KCNH1: variants seen among roughly 807,000 people sequenced by gnomAD.
The protein encoded by KCNH1 is potassium voltage-gated channel subfamily H member 1.
Under a neutral mutation model 69.2 loss-of-function variants are expected in KCNH1, and 27 were observed. The ratio of observed to expected loss-of-function variants is 0.39; its 90% CI spans 0.29 to 0.54. The LOEUF (loss-of-function observed/expected upper bound fraction) is 0.54, where lower values mean the gene tolerates loss of function less well. KCNH1 is among the 20% of genes least tolerant of loss of function. KCNH1 has a pLI of 0.68. For synonymous variants in KCNH1, 456 were observed against 487.7 expected (o/e 0.93, Z 0.86); for missense variants, 798 against 1,261.6 (o/e 0.63, Z 5.57).
chr1:210,990,220 C>G (rs975236659), intron 6 of KCNH1, among the ~76,000 whole-genome samples: 1 of 152,326 alleles, frequency 6.6e-6, no homozygotes, highest in Non-Finnish European at 1.5e-5. Context: ...GAGATTTATA[C>G]AGCAAGGATG....
intron 1 of KCNH1, among the ~76,000 whole-genome samples, chr1:211,110,393 G>T (rs776258931): frequency 3.3e-5 from 5 of 152,082 alleles, no homozygotes; most frequent in Non-Finnish European, 5.9e-5. Flanking sequence ...GAATTATCTG[G>T]GGGTAAAGGA....
intron 3 of KCNH1, among the ~76,000 whole-genome samples, chr1:211,093,644 A>ATG (rs1476899569): frequency 2.0e-5 from 3 of 152,210 alleles, no homozygotes; most frequent in Non-Finnish European, 4.4e-5. Flanking sequence ...CTAAATATAT[A>ATG]TCTTGTAACA....
chr1:210,712,966 G>A (rs956617193), intron 10 of KCNH1, among the ~76,000 whole-genome samples: 1 of 152,042 alleles, frequency 6.6e-6, no homozygotes, highest in African/African-American at 2.4e-5. Context: ...TGGCTCCCCT[G>A]ACACAATGCA....
chr1:211,117,862 C>A (rs1376414206), intron 1 of KCNH1, among the ~76,000 whole-genome samples: 2 of 152,138 alleles, frequency 1.3e-5, no homozygotes, highest in African/African-American at 4.8e-5. Context: ...AAGAACAAAT[C>A]AGATGATGCC....
chr1:211,094,203 A>T (rs1343971180), intron 3 of KCNH1, among the ~76,000 whole-genome samples: 1 of 152,176 alleles, frequency 6.6e-6, no homozygotes, highest in Non-Finnish European at 1.5e-5. Context: ...TTAGATTCTC[A>T]TAAGGAGCAG....
At chr1:210,821,838 T>A (rs1387158782) in intron 7 of KCNH1, among the ~76,000 whole-genome samples, 1 of 148,330 alleles carries the variant, frequency 6.7e-6, no homozygotes, top group African/African-American at 2.5e-5. Flanking sequence ...ATTTATTTAT[T>A]TATTTATTTA....
intron 6 of KCNH1, among the ~76,000 whole-genome samples, chr1:210,922,191 C>T (rs1173039869): frequency 2.0e-5 from 3 of 151,708 alleles, no homozygotes; most frequent in African/African-American, 4.8e-5. Context: ...ACCATCCTGG[C>T]TAACATGGTG....
At chr1:210,920,935 C>T (rs751738816) in intron 6 of KCNH1, among the ~76,000 whole-genome samples, 44 of 152,294 alleles carry the variant, frequency 2.9e-4, no homozygotes, top group Non-Finnish European at 5.6e-4. Flanking sequence ...ACTGATCACA[C>T]CAGGCCAGGT....
At chr1:210,713,105 TTTC>T (rs1363977954) in intron 10 of KCNH1, among the ~76,000 whole-genome samples, 1 of 152,226 alleles carries the variant, frequency 6.6e-6, no homozygotes, top group Non-Finnish European at 1.5e-5. Context: ...TTAAAAAGTT[TTTC>T]TTCTCTACCT....
chr1:210,810,999 T>C (rs146175718), intron 7 of KCNH1, among the ~76,000 whole-genome samples: 2 of 152,342 alleles, frequency 1.3e-5, no homozygotes, highest in East Asian at 3.9e-4. Context: ...ACTTTAGGAC[T>C]GTCCTTTTGC....
chr1:210,914,530 G>A (rs1687296702), intron 7 of KCNH1, among the ~76,000 whole-genome samples: 1 of 152,122 alleles, frequency 6.6e-6, no homozygotes, highest in Non-Finnish European at 1.5e-5. Context: ...AAGTGGGTAA[G>A]GTAATGGAGT....
chr1:211,105,443 A>G (rs1184708944), intron 2 of KCNH1, among the ~76,000 whole-genome samples: 1 of 152,228 alleles, frequency 6.6e-6, no homozygotes, highest in Non-Finnish European at 1.5e-5. Context: ...GTAGATTACC[A>G]GTAGTTCTAA....
At chr1:210,837,314 G>C (rs941921487) in intron 7 of KCNH1, among the ~76,000 whole-genome samples, 7 of 152,050 alleles carry the variant, frequency 4.6e-5, no homozygotes, top group Non-Finnish European at 1.0e-4. Flanking sequence ...TAGCTCTATT[G>C]TAGTATTTGG....
At chr1:210,895,170 T>C (rs527727906) in intron 7 of KCNH1, among the ~76,000 whole-genome samples, 6 of 152,120 alleles carry the variant, frequency 3.9e-5, no homozygotes, top group Non-Finnish European at 5.9e-5. Context: ...TCCTTTTTTT[T>C]TTTTCAGGCA....
intron 5 of KCNH1, among the ~76,000 whole-genome samples, chr1:211,058,585 C>G (rs1403974664): frequency 6.6e-6 from 1 of 151,646 alleles, no homozygotes; most frequent in Admixed American, 6.6e-5. Context: ...AACTTCTAAT[C>G]AAAAAACATA....
intron 3 of KCNH1, among the ~76,000 whole-genome samples, chr1:211,091,304 C>T (rs1388140427): frequency 6.6e-5 from 10 of 152,050 alleles, no homozygotes; most frequent in Non-Finnish European, 1.5e-4. Context: ...GCCTCAGCCT[C>T]CCGAGGTAGC....
chr1:210,770,945 G>C (rs904210637), intron 10 of KCNH1, among the ~76,000 whole-genome samples: 2 of 152,196 alleles, frequency 1.3e-5, no homozygotes, highest in African/African-American at 4.8e-5. Context: ...CTTGGAAAAG[G>C]GGTTTTCTTC....
chr1:210,891,569 AT>A (rs1481783903), intron 7 of KCNH1, among the ~76,000 whole-genome samples: 4 of 151,846 alleles, frequency 2.6e-5, no homozygotes, highest in African/African-American at 9.7e-5. Context: ...GAAACAACAG[AT>A]GCTGAAGAGG....
intron 6 of KCNH1, among the ~76,000 whole-genome samples, chr1:210,965,831 C>T (rs1010318797): frequency 6.6e-6 from 1 of 152,116 alleles, no homozygotes; most frequent in African/African-American, 2.4e-5. Context: ...AGATTCAATG[C>T]TATCCCCATC....
Sources: gnomAD v4.1 joint callset for allele counts (sites outside exome capture counted in the v4.1 genomes callset) on GRCh38, gnomAD v4.1.1 for gene constraint, MANE v1.5 for transcripts, NCBI Gene and HGNC (gene_info 2026-07-23, HGNC 2026-07-21) for gene names.